Variants in PXDN observed in about 807,000 individuals in gnomAD.
The protein encoded by PXDN is peroxidasin, also known as peroxidasin homolog.
A neutral mutation model predicts 140.3 loss-of-function variants in PXDN; 77 were observed. That is an observed-to-expected ratio of 0.55 (90% confidence interval 0.46 to 0.66). The LOEUF (loss-of-function observed/expected upper bound fraction) is 0.66. Ranked by LOEUF, PXDN falls within the 30% of genes least tolerant of loss-of-function variation. The pLI is 0.00. For missense variants in PXDN, 1,838 were observed against 2,039.5 expected, an observed-to-expected ratio of 0.90 and a Z score of 1.90; for synonymous variants, 911 against 857.4, an observed-to-expected ratio of 1.06 and a Z score of -1.09.
intron 1 of PXDN, among the ~76,000 whole-genome samples, chr2:1,734,628 G>C (rs139662715): frequency 0.016 from 2,410 of 152,268 alleles, 49 homozygotes; most frequent in African/African-American, 0.055. Flanking sequence ...CAGCACTTTG[G>C]GAGGCCAAGG....
intron 6 of PXDN, among the ~76,000 whole-genome samples, chr2:1,682,366 A>G (rs998495767): frequency 6.6e-6 from 1 of 152,214 alleles, no homozygotes; most frequent in Non-Finnish European, 1.5e-5. Context: ...AAAATCACAT[A>G]TAGTTCTGAA....
chr2:1,647,720 C>T (rs951029146), intron 17 of PXDN, among the ~76,000 whole-genome samples: 4 of 152,206 alleles, frequency 2.6e-5, no homozygotes, highest in African/African-American at 4.8e-5. Context: ...CCCCAAGGGC[C>T]CGGATCTGCA....
chr2:1,649,454 T>G lies in PXDN; in HGVS notation c.2326A>C (p.Asn776His). The change falls in exon 17 of 23, where the codon AAC (asparagine) becomes CAC (histidine). Residue 776 changes from asparagine to histidine, a missense_variant. By Grantham distance (68) the Asn-to-His change is moderately conservative (BLOSUM62 1). This residue lies in a region of PXDN where 537 missense variants were observed against 583.9 expected (regional missense o/e 0.92). Coordinates refer to ENST00000252804, the MANE Select transcript of PXDN (RefSeq NM_012293.3). This position sits in a 1 kb window ranked among gnomAD's most constrained non-coding sequence, Gnocchi z 7.1. The stretch of plus-strand genomic sequence containing the variant: ...TGGGGGTTGATGCCCCGAGGGGTGT[T>G]GAAGCCATTCTCGTACACGGATTTC... The part of the protein sequence containing the change: ...LLKSVYENGF[N>H]TPRGINPHRL... The G allele has an allele frequency of 1.2e-6, 2 of 1,614,010 alleles. No homozygotes were observed. The highest frequency in any genetic ancestry group is 1.1e-5 in the South Asian group (1 of 91,084).
chr2:1,649,802 C>CT lies in PXDN; in HGVS notation c.2105-128_2105-127insA. On this transcript the variant is annotated intron_variant, in intron 16 of 22. Coordinates refer to ENST00000252804, the MANE Select transcript of PXDN (RefSeq NM_012293.3). The surrounding 1 kb of genome is among the most constrained non-coding windows in gnomAD (Gnocchi z 7.1). ...CCCAGCTCATGAAACCTGTTGTGCGCCATGCAACAAGCGCTTCCTGCTGGA... is the reference window on the plus strand; with the variant it reads ...CCCAGCTCATGAAACCTGTTGTGCGCTCATGCAACAAGCGCTTCCTGCTGGA... 1 of 1,112,936 alleles carries CT rather than the reference C, an allele frequency of 9.0e-7. No individual in the cohort carries two copies. Among genetic ancestry groups the CT allele is most frequent in the South Asian group, 1.3e-5 (1 of 74,136 alleles). 68.9% of individuals were successfully genotyped at this position (1,112,936 alleles called of 1,614,324 possible).
At chr2:1,719,825 A>C (rs1193397920) in intron 1 of PXDN, among the ~76,000 whole-genome samples, 4 of 140,346 alleles carry the variant, frequency 2.9e-5, no homozygotes, top group Non-Finnish European at 6.1e-5. Context: ...ATGTGTGTAC[A>C]TGCGTGCATT....
chr2:1,733,859 T>C (rs370970919), intron 1 of PXDN, among the ~76,000 whole-genome samples: 4 of 149,428 alleles, frequency 2.7e-5, no homozygotes, highest in African/African-American at 7.4e-5. Context: ...TGTTTAAACA[T>C]CCAAAAGCTA....
intron 19 of PXDN, among the ~76,000 whole-genome samples, chr2:1,641,324 G>A (rs1367133267): frequency 1.3e-5 from 2 of 151,996 alleles, no homozygotes; most frequent in Admixed American, 6.5e-5. Flanking sequence ...GCTAATTTTT[G>A]TATTTTTGTA....
intron 6 of PXDN, among the ~76,000 whole-genome samples, chr2:1,681,737 C>T (rs11689351): frequency 0.32 from 48,800 of 152,104 alleles, 8,398 homozygotes; most frequent in Non-Finnish European, 0.38. Context: ...GTGCCCAGGG[C>T]ACCCAACCTG....
At position 1,638,912 on chromosome 2, in the gene PXDN, A is replaced by C; in HGVS notation, c.4140T>G (p.Ser1380=). 1.2e-6 allele frequency: 2 copies of C among 1,614,012 alleles called. No individual in the cohort carries two copies. The highest frequency in any genetic ancestry group is 1.1e-5 in the South Asian group (1 of 91,090). Residue 1380 remains serine, a synonymous_variant, in exon 21 of 23, where the codon TCT becomes TCG. Transcript: ENST00000252804. The part of the protein sequence containing the change: ...TSAFSTRSDA[S]GTNDFREFVL... ...CAAACTCTCTGAAGTCATTTGTCCC[A>C]GATGCATCTGAGCGTGTGCTGAAGG...
intron 7 of PXDN, among the ~76,000 whole-genome samples, 195 bp downstream of exon 7, chr2:1,679,998 A>G (rs1344548952): frequency 2.4e-5 from 2 of 82,234 alleles, no homozygotes; most frequent in African/African-American, 5.1e-5. Context: ...TGTAAATGGT[A>G]TGTGTGTGTG....
At chr2:1,733,666 C>A (rs373207727) in intron 1 of PXDN, among the ~76,000 whole-genome samples, 3 of 141,822 alleles carry the variant, frequency 2.1e-5, no homozygotes, top group Admixed American at 1.5e-4. Flanking sequence ...CGCTTGAACC[C>A]GGGAGGCGGA....
Position 1,664,973 on chromosome 2 carries a change from C to T in PXDN, c.1393G>A (p.Ala465Thr), listed in dbSNP as rs1355176532. The change falls in exon 11 of 23, where the codon GCC (alanine) becomes ACC (threonine). Residue 465 changes from alanine (A) to threonine (T), a missense_variant. Physicochemically the swap from Ala to Thr is moderately conservative, Grantham distance 58. Transcript: ENST00000252804. ...EAKGNPPPVI[A>T]WTKGGSQLSV... ...TGGGTCTTACCTCCCTTGGTCCAGG[C>T]GATGACGGGCGGCGGGTTGCCCTTG... 4.3e-6 allele frequency: 7 copies of T among 1,609,850 alleles called. No homozygotes were observed. Among genetic ancestry groups the T allele is most frequent in the East Asian group, 2.2e-5 (1 of 44,824 alleles).
rs1409652730 is a variant in PXDN at position 1,651,239 on chromosome 2, A to C, written c.2105-1564T>G. 1.3e-5 allele frequency among the ~76,000 whole-genome samples: 2 copies of C among 152,140 alleles called. No homozygotes were observed. The highest frequency in any genetic ancestry group is 2.9e-5 in the Non-Finnish European group (2 of 68,010). On this transcript the variant is annotated intron_variant, in intron 16 of 22. Transcript: ENST00000252804. The surrounding 1 kb of genome is among the most constrained non-coding windows in gnomAD (Gnocchi z 4.4). Reference sequence around the variant, plus strand: ...CAGGAGGAAAAGCACTTCCTCCCAAATGCCTGGCTGGGCTGTGGGGCTGGT... The same window carrying C: ...CAGGAGGAAAAGCACTTCCTCCCAACTGCCTGGCTGGGCTGTGGGGCTGGT...
intron 11 of PXDN, chr2:1,664,472 T>C (rs542073284): frequency 6.2e-6 from 1 of 160,284 alleles, no homozygotes; most frequent in East Asian, 1.8e-4. Flanking sequence ...GGGCTAGGAC[T>C]GTAGGCAAAG....
At chr2:1,674,056 T>C (rs1000068330) in intron 8 of PXDN, among the ~76,000 whole-genome samples, 4 of 152,238 alleles carry the variant, frequency 2.6e-5, no homozygotes, top group African/African-American at 9.6e-5. Context: ...TCAATCTATC[T>C]ACATGTTTTA....
intron 1 of PXDN, among the ~76,000 whole-genome samples, chr2:1,740,044 G>A (rs375710755): frequency 4.6e-5 from 7 of 152,302 alleles, no homozygotes; most frequent in South Asian, 2.1e-4. Context: ...ACTCACACCC[G>A]GGACCACTGC....
In PXDN at chr2:1,687,456, C is replaced by T. The variant is rs748831241; in HGVS notation, c.416+176G>A. The stretch of plus-strand genomic sequence containing the variant: ...AGGGCTGGCTGGGTGGAAGGCGGGG[C>T]GGAGGGCAAATGACTCGCCCATCCC... On this transcript the variant is annotated intron_variant, in intron 4 of 22. Transcript: ENST00000252804. This position sits in a 1 kb window ranked among gnomAD's most constrained non-coding sequence, Gnocchi z 4.0. Among the ~76,000 whole-genome samples, 10 of 152,042 alleles carry T rather than the reference C, an allele frequency of 6.6e-5. No individual in the cohort carries two copies. The highest frequency in any genetic ancestry group is 1.0e-4 in the Non-Finnish European group (7 of 68,002).
chr2:1,710,979 C>CCA (rs1202566118), intron 1 of PXDN, among the ~76,000 whole-genome samples: 38 of 56,066 alleles, frequency 6.8e-4, no homozygotes, highest in Non-Finnish European at 8.9e-4. Flanking sequence ...CCACCAGCAC[C>CCA]CGCTCCACCA....
chr2:1,682,144 A>G (rs952456306), intron 6 of PXDN, among the ~76,000 whole-genome samples: 1 of 152,220 alleles, frequency 6.6e-6, no homozygotes, highest in African/African-American at 2.4e-5. Flanking sequence ...ACACCCAGAG[A>G]GAGGCTGAGA....
Sources: allele counts gnomAD v4.1 joint callset (sites outside exome capture counted in the v4.1 genomes callset), GRCh38; gene constraint gnomAD v4.1.1; regional missense constraint gnomAD v4.1.1; non-coding constraint Gnocchi (gnomAD v3.1); transcripts MANE v1.5; gene names NCBI Gene and HGNC (gene_info 2026-07-23, HGNC 2026-07-21).